The following MAGEE2 variants were observed in gnomAD, a reference collection of about 807,000 sequenced individuals.
MAGEE2 encodes melanoma-associated antigen E2.
For synonymous variants in MAGEE2, 189 were observed against 155.4 expected (o/e 1.22, Z -1.61); for missense variants, 508 against 391.1 (o/e 1.30, Z -2.52).
rs1363533755 is a variant in MAGEE2, at chrX:75,784,292, C to T, written c.760G>A (p.Gly254Ser). ...GTGATTTCCCTGTGGGCTCTAGAGCCCCACAAGAACTCAAACTCAAGGGGA... is the reference window on the plus strand; with the variant it reads ...GTGATTTCCCTGTGGGCTCTAGAGCTCCACAAGAACTCAAACTCAAGGGGA... Reference protein sequence around the residue: ...TNPLEFEFLWGSRAHREITKM... With the variant: ...TNPLEFEFLWSSRAHREITKM... Residue 254 changes from glycine to serine, a missense_variant, in exon 1 of 1, where the codon GGC becomes AGC. Gly to Ser is a moderately conservative substitution (Grantham distance 56). Transcript: ENST00000373359. 8.3e-7 allele frequency: 1 copy of T among 1,209,621 alleles called. No individual in the cohort carries two copies. The highest frequency in any genetic ancestry group is 1.8e-5 in the African/African-American group (1 of 56,946).
In MAGEE2 at chrX:75,784,455, A is replaced by G. The variant is rs760832418; in HGVS notation, c.597T>C (p.Ile199=). The part of the protein sequence containing the change: ...LNGNRAREAS[I]WDLLLKVDMW... ...TATCAACTTTTAGCAGCAAGTCCCA[A>G]ATGGAGGCCTCTCTTGCTCGGTTCC... The change falls in exon 1 of 1, where the codon ATT becomes ATC. Residue 199 remains isoleucine (I), a synonymous_variant. Transcript: ENST00000373359. The G allele has an allele frequency of 1.8e-5, 22 of 1,210,089 alleles. No homozygotes were observed. Among genetic ancestry groups the G allele is most frequent in the Non-Finnish European group, 2.5e-5 (22 of 895,242 alleles).
Position 75,783,619 on chromosome X carries a change from A to T in MAGEE2, c.1433T>A (p.Met478Lys), listed in dbSNP as rs1382921750. Reference protein sequence around the residue: ...GPRAHHETIKMKVLEYMARLY... With the variant: ...GPRAHHETIKKKVLEYMARLY... Reference sequence around the variant, plus strand: ...CCTGGCCATGTACTCCAAGACTTTCATTTTGATGGTTTCATGGTGAGCTCG... The same window carrying T: ...CCTGGCCATGTACTCCAAGACTTTCTTTTTGATGGTTTCATGGTGAGCTCG... Residue 478 changes from methionine (M) to lysine (K), a missense_variant, in exon 1 of 1, where the codon ATG becomes AAG. Met to Lys is a moderately conservative substitution (Grantham distance 95). Transcript: ENST00000373359. The T allele has an allele frequency of 1.7e-6, 2 of 1,211,336 alleles. No individual in the cohort carries two copies. Among genetic ancestry groups the T allele is most frequent in the Non-Finnish European group, 2.2e-6 (2 of 895,466 alleles).
Position 75,785,112 on chromosome X carries a change from G to T in MAGEE2, c.-61C>A, listed in dbSNP as rs982922097. On this transcript the variant is annotated 5_prime_UTR_variant, in exon 1 of 1. In the 5' UTR this introduces an upstream ATG that the reference lacks. Transcript: ENST00000373359. ...GCGATCAGTCGGAGAGAGGACCGCA[G>T]CAGTGTTGGTGCCTCGGCACAAAGC... 3 of 1,067,458 alleles carry T rather than the reference G, an allele frequency of 2.8e-6. No individual in the cohort carries two copies. The highest frequency in any genetic ancestry group is 2.4e-6 in the Non-Finnish European group (2 of 816,858). The allele number at this position is 1,067,458 out of a possible 1,213,427, so 88.0% of individuals were successfully genotyped here.
Position 75,785,221 on chromosome X carries a change from A to C in MAGEE2, c.-170T>G. On this transcript the variant is annotated 5_prime_UTR_variant, in exon 1 of 1. Transcript: ENST00000373359. ...TCTTTCTACACAAGTGCTGGCCAGC[A>C]ACGACTGCAAGCCTCAGAGCGTTAT... The C allele has an allele frequency of 2.1e-6, 1 of 482,403 alleles. No individual in the cohort carries two copies. Among genetic ancestry groups the C allele is most frequent in the South Asian group, 1.0e-4 (1 of 9,571 alleles). 39.8% of individuals were successfully genotyped at this position (482,403 alleles called of 1,213,427 possible).
In MAGEE2 at chrX:75,784,348, A is replaced by G. The variant is rs755372198; in HGVS notation, c.704T>C (p.Phe235Ser). The change falls in exon 1 of 1, where the codon TTC becomes TCC. Residue 235 changes from phenylalanine (F) to serine (S), a missense_variant. Transcript: ENST00000373359. ...GCCATACACCGGCCAGTACTCCAAGAATCGCATGCACACAAAGTCAGTAGT... is the reference window on the plus strand; with the variant it reads ...GCCATACACCGGCCAGTACTCCAAGGATCGCATGCACACAAAGTCAGTAGT... ...LLTTDFVCMR[F>S]LEYWPVYGTN... The G allele has an allele frequency of 1.2e-5, 15 of 1,209,971 alleles. No individual in the cohort carries two copies. In the African/African-American group the frequency reaches 2.3e-4, roughly 18 times the overall value.
chrX:75,783,670 A>G lies in MAGEE2; in HGVS notation c.1382T>C (p.Val461Ala). The change falls in exon 1 of 1, where the codon GTT becomes GCT. Residue 461 changes from valine to alanine, a missense_variant. Coordinates refer to ENST00000373359, the MANE Select transcript of MAGEE2 (RefSeq NM_138703.5). ...AGGACCCCATAGAAGCTCATATTCA[A>G]CTGGATTAGAGTAGGACAGTGGCCT... ...ECRPLSYSNP[V>A]EYELLWGPRA... is the part of the protein sequence containing the mutation. The G allele has an allele frequency of 1.7e-6, 2 of 1,211,548 alleles. No homozygotes were observed. The highest frequency in any genetic ancestry group is 1.7e-5 in the African/African-American group (1 of 57,721).
rs199826807 is a variant in MAGEE2 at position 75,784,832 on chromosome X, C to T, written c.220G>A (p.Glu74Lys). ...DPNDLEVLID[E>K]QSRRLGALRV... ...AGCGCCCCCAAACGTCTGGACTGCT[C>T]GTCGATCAGGACCTCCAGGTCATTC... The change falls in exon 1 of 1, where the codon GAG (glutamate) becomes AAG (lysine). Residue 74 changes from glutamate to lysine, a missense_variant. Coordinates refer to ENST00000373359, the MANE Select transcript of MAGEE2 (RefSeq NM_138703.5). 12 of 1,209,376 alleles carry T rather than the reference C, an allele frequency of 9.9e-6. No individual in the cohort carries two copies. Among genetic ancestry groups the T allele is most frequent in the African/African-American group, 7.0e-5 (4 of 57,161 alleles).
At position 75,785,087 on chromosome X, in the gene MAGEE2, G is replaced by A. The variant is rs2087881689; in HGVS notation, c.-36C>T. 4 of 1,113,398 alleles carry A rather than the reference G, an allele frequency of 3.6e-6. No homozygotes were observed. In the African/African-American group the frequency reaches 5.5e-5, roughly 15 times the overall value. The allele number at this position is 1,113,398 out of a possible 1,213,427, so 91.8% of individuals were successfully genotyped here. On this transcript the variant is annotated 5_prime_UTR_variant, in exon 1 of 1. Coordinates refer to ENST00000373359, the MANE Select transcript of MAGEE2 (RefSeq NM_138703.5). Reference sequence around the variant, plus strand: ...GACAGGAGCGGGAACGGTGAGATCAGCGATCAGTCGGAGAGAGGACCGCAG... The same window carrying A: ...GACAGGAGCGGGAACGGTGAGATCAACGATCAGTCGGAGAGAGGACCGCAG...
Position 75,784,574 on chromosome X carries a change from G to C in MAGEE2, c.478C>G (p.Arg160Gly). 2.5e-6 allele frequency: 3 copies of C among 1,210,109 alleles called. No homozygotes were observed. Among genetic ancestry groups the C allele is most frequent in the Non-Finnish European group, 3.4e-6 (3 of 894,755 alleles). Residue 160 changes from arginine (R) to glycine (G), a missense_variant, in exon 1 of 1, where the codon CGG becomes GGG. Transcript: ENST00000373359. ...QADTYNLVSK[R>G]GFQITDRIAE... Reference sequence around the variant, plus strand: ...ATCCTATCGGTGATCTGGAAACCCCGTTTGCTGACTAAATTGTAGGTGTCA... The same window carrying C: ...ATCCTATCGGTGATCTGGAAACCCCCTTTGCTGACTAAATTGTAGGTGTCA...
Position 75,784,034 on chromosome X carries a change from G to C in MAGEE2, c.1018C>G (p.His340Asp), listed in dbSNP as rs772879834. The C allele has an allele frequency of 9.1e-6, 11 of 1,207,303 alleles. No homozygotes were observed. Among genetic ancestry groups the C allele is most frequent in the Admixed American group, 2.2e-5 (1 of 45,805 alleles). ...LPIHQDELLA[H>D]TGKEFEDVFP... is the part of the protein sequence containing the mutation. ...ACATCCTCAAATTCTTTGCCAGTGT[G>C]AGCCAATAGCTCATCCTGATGTATA... is the stretch of plus-strand genomic sequence containing the variant. Residue 340 changes from histidine to aspartate, a missense_variant, in exon 1 of 1, where the codon CAC becomes GAC. Physicochemically the swap from His to Asp is moderately conservative, Grantham distance 81. Transcript: ENST00000373359.
At position 75,785,021 on chromosome X, in the gene MAGEE2, A is replaced by C. The variant is rs955599105; in HGVS notation, c.31T>G (p.Cys11Gly). The change falls in exon 1 of 1, where the codon TGT becomes GGT. Residue 11 changes from cysteine (C) to glycine (G), a missense_variant. Transcript: ENST00000373359. ...TAATCTGCAGTGATCTCTGCGCTACAGTGGCGTGCATTCTGGCTTACCAGA... is the reference window on the plus strand; with the variant it reads ...TAATCTGCAGTGATCTCTGCGCTACCGTGGCGTGCATTCTGGCTTACCAGA... MSLVSQNARH[C>G]SAEITADYGD... is the part of the protein sequence containing the mutation. 13 of 1,130,150 alleles carry C rather than the reference A, an allele frequency of 1.2e-5. No individual in the cohort carries two copies. The highest frequency in any genetic ancestry group is 1.4e-5 in the Non-Finnish European group (12 of 856,735). 93.1% of individuals were successfully genotyped at this position (1,130,150 alleles called of 1,213,427 possible).
Position 75,783,885 on chromosome X carries a change from C to T in MAGEE2, c.1167G>A (p.Glu389=). The T allele has an allele frequency of 2.5e-6, 3 of 1,211,994 alleles. No homozygotes were observed. Among genetic ancestry groups the T allele is most frequent in the Non-Finnish European group, 3.3e-6 (3 of 895,553 alleles). The change falls in exon 1 of 1, where the codon GAG becomes GAA. Residue 389 remains glutamate, a synonymous_variant. Coordinates refer to ENST00000373359, the MANE Select transcript of MAGEE2 (RefSeq NM_138703.5). ...TCCCCAGGCTCTCTAGCATCACTTG[C>T]TCTTCCTCTGATTCTGGTTGCTGGA... ...LLVQQPESEE[E]QVMLESLGRP... is the part of the protein sequence containing the mutation.
At position 75,785,069 on chromosome X, in the gene MAGEE2, G is replaced by A. The variant is rs1018550148; in HGVS notation, c.-18C>T. The A allele has an allele frequency of 8.9e-7, 1 of 1,120,466 alleles. No individual in the cohort carries two copies. The highest frequency in any genetic ancestry group is 1.8e-5 in the African/African-American group (1 of 55,014). 92.3% of individuals were successfully genotyped at this position (1,120,466 alleles called of 1,213,427 possible). On this transcript the variant is annotated 5_prime_UTR_variant, in exon 1 of 1. Transcript: ENST00000373359. ...AGAGACATGGTTCCAGGAGACAGGA[G>A]CGGGAACGGTGAGATCAGCGATCAG...
rs778879991 is a variant in MAGEE2 at position 75,783,764 on chromosome X, A to G, written c.1288T>C (p.Phe430Leu). Reference sequence around the variant, plus strand: ...TGCTTTCTCCCTACATCCACACTAAATCTTCGAAGCAAGTTCCAGACATTG... The same window carrying G: ...TGCTTTCTCCCTACATCCACACTAAGTCTTCGAAGCAAGTTCCAGACATTG... Reference protein sequence around the residue: ...EANVWNLLRRFSVDVGRKHSI... With the variant: ...EANVWNLLRRLSVDVGRKHSI... Residue 430 changes from phenylalanine to leucine, a missense_variant, in exon 1 of 1, where the codon TTT becomes CTT. Physicochemically the swap from Phe to Leu is conservative, Grantham distance 22. Transcript: ENST00000373359. The G allele has an allele frequency of 4.4e-5, 53 of 1,209,900 alleles. No homozygotes were observed. The highest frequency in any genetic ancestry group is 5.9e-5 in the Non-Finnish European group (53 of 895,222).
At position 75,784,918 on chromosome X, in the gene MAGEE2, T is replaced by TG; in HGVS notation, c.133dup (p.Gln45ProfsTer23). ...AGAGTTGATTGGCGCCTGAGGGCAC[T>TG]GGGGGGCATCAACGACTAGCATGGA... is the stretch of plus-strand genomic sequence containing the variant. On this transcript the variant is annotated frameshift_variant, in exon 1 of 1. Coordinates refer to ENST00000373359, the MANE Select transcript of MAGEE2 (RefSeq NM_138703.5). LOFTEE classifies it low-confidence loss of function (END_TRUNC). The TG allele has an allele frequency of 8.5e-7, 1 of 1,170,992 alleles. No individual in the cohort carries two copies. Among genetic ancestry groups the TG allele is most frequent in the Non-Finnish European group, 1.1e-6 (1 of 875,495 alleles).
Position 75,785,190 on chromosome X carries a change from G to C in MAGEE2, c.-139C>G. ...GATCAAAAGTGAAATCTGGTGTGAA[G>C]AGCGATCTTTCTACACAAGTGCTGG... On this transcript the variant is annotated 5_prime_UTR_variant, in exon 1 of 1. Transcript: ENST00000373359. The C allele has an allele frequency of 7.3e-6, 5 of 684,741 alleles. No homozygotes were observed. Among genetic ancestry groups the C allele is most frequent in the Non-Finnish European group, 1.0e-5 (5 of 498,700 alleles). 56.4% of individuals were successfully genotyped at this position (684,741 alleles called of 1,213,427 possible).
Position 75,783,347 on chromosome X carries a change from C to G in MAGEE2, c.*133G>C. On this transcript the variant is annotated 3_prime_UTR_variant, in exon 1 of 1. Coordinates refer to ENST00000373359, the MANE Select transcript of MAGEE2 (RefSeq NM_138703.5). ...GAAGGAAATACTACTAGAATTGGAA[C>G]ACAGACAGCAAGCACAATTTGTACT... 1.4e-6 allele frequency: 1 copy of G among 713,116 alleles called. No homozygotes were observed. Among genetic ancestry groups the G allele is most frequent in the East Asian group, 3.3e-5 (1 of 30,084 alleles). 58.8% of individuals were successfully genotyped at this position (713,116 alleles called of 1,213,427 possible). A position where few individuals can be genotyped will look rare whatever the true frequency, so the allele number is the denominator to read the frequency against.
rs1486647382 is a variant in MAGEE2 at position 75,784,386 on chromosome X, T to C, written c.666A>G (p.Thr222=). ...CAAAGTCAGTAGTGAGGAGGTTCCTTGTGTTCCCAAAGAGGTTGTTGATCC... is the reference window on the plus strand; with the variant it reads ...CAAAGTCAGTAGTGAGGAGGTTCCTCGTGTTCCCAAAGAGGTTGTTGATCC... ...PQRINNLFGN[T]RNLLTTDFVC... The change falls in exon 1 of 1, where the codon ACA becomes ACG. Residue 222 remains threonine (T), a synonymous_variant. Coordinates refer to ENST00000373359, the MANE Select transcript of MAGEE2 (RefSeq NM_138703.5). 1 of 1,211,851 alleles carries C rather than the reference T, an allele frequency of 8.3e-7. No individual in the cohort carries two copies. The highest frequency in any genetic ancestry group is 2.2e-5 in the Admixed American group (1 of 46,060).
chrX:75,784,922 G>T lies in MAGEE2; in HGVS notation c.130C>A (p.Pro44Thr). 8.6e-7 allele frequency: 1 copy of T among 1,169,244 alleles called. No individual in the cohort carries two copies. Among genetic ancestry groups the T allele is most frequent in the Non-Finnish European group, 1.1e-6 (1 of 874,908 alleles). Residue 44 changes from proline (P) to threonine (T), a missense_variant, in exon 1 of 1, where the codon CCC (proline) becomes ACC (threonine). Transcript: ENST00000373359. The part of the protein sequence containing the change: ...SPTSMLVVDA[P>T]QCPQAPINSQ... The stretch of plus-strand genomic sequence containing the variant: ...TTGATTGGCGCCTGAGGGCACTGGG[G>T]GGCATCAACGACTAGCATGGAGGTG...
Sources: allele counts gnomAD v4.1 joint callset, GRCh38; gene constraint gnomAD v4.1.1; transcripts MANE v1.5; gene names NCBI Gene and HGNC (gene_info 2026-07-23, HGNC 2026-07-21).